DMD: variants seen among roughly 807,000 people sequenced by gnomAD.
DMD encodes mutant dystrophin.
A neutral mutation model predicts 330.1 loss-of-function variants in DMD; 63 were observed. That is an observed-to-expected ratio of 0.19 (90% CI 0.16 to 0.24). The LOEUF (loss-of-function observed/expected upper bound fraction) is 0.24, where lower values mean the gene tolerates loss of function less well. Among genes scored for constraint, DMD ranks in the 10% least tolerant of loss-of-function variants. The probability of loss-of-function intolerance (pLI) is 1.00; values close to 1 mark genes in which losing one functional copy is unlikely to be tolerated. For missense variants in DMD, 3,344 were observed against 2,684.1 expected, an observed-to-expected ratio of 1.25 and a Z score of -5.43; for synonymous variants, 1,223 against 959.8, an observed-to-expected ratio of 1.27 and a Z score of -5.07.
At chrX:31,487,033 T>C (rs2068862779) in intron 57 of DMD, among the ~76,000 whole-genome samples, 1 of 111,504 alleles carries the variant, frequency 9.0e-6, no homozygotes, top group African/African-American at 3.3e-5. Context: ...GCAAGAATAT[T>C]GCCCCCAGTA....
At chrX:32,958,232 T>C (rs2091705541) in intron 2 of DMD, among the ~76,000 whole-genome samples, 1 of 111,676 alleles carries the variant, frequency 9.0e-6, no homozygotes. Context: ...TATGCTTCAA[T>C]AACAAAGTGT....
intron 2 of DMD, among the ~76,000 whole-genome samples, chrX:32,905,217 T>C (rs1050231695): frequency 8.9e-6 from 1 of 111,959 alleles, no homozygotes; most frequent in Non-Finnish European, 1.9e-5. Flanking sequence ...GAGCATTTTT[T>C]AGATAATTTC....
intron 2 of DMD, among the ~76,000 whole-genome samples, chrX:32,858,019 G>A (rs1351988430): frequency 1.8e-5 from 2 of 110,707 alleles, no homozygotes; most frequent in Non-Finnish European, 3.8e-5. Flanking sequence ...TGAGGTGATA[G>A]AGAAACAGTT....
At position 32,583,601 on chromosome X, in the gene DMD, A is replaced by G. The variant is rs924131056; in HGVS notation, c.1603-9755T>C. ...GGCAAGTAGAGAAATAAAACTGATTAGAGTCCATAAACTGATCCATGCACG... is the reference window on the plus strand; with the variant it reads ...GGCAAGTAGAGAAATAAAACTGATTGGAGTCCATAAACTGATCCATGCACG... On this transcript the variant is annotated intron_variant, in intron 13 of 78. Coordinates refer to ENST00000357033, the MANE Select transcript of DMD (RefSeq NM_004006.3). 4 of 112,225 alleles carry G rather than the reference A, an allele frequency of 3.6e-5. No individual in the cohort carries two copies. In the Admixed American group the frequency reaches 3.8e-4, roughly 11 times the overall value. 9.2% of individuals were successfully genotyped at this position (112,225 alleles called of 1,213,427 possible).
chrX:31,559,595 C>T (rs1226930950), intron 55 of DMD, among the ~76,000 whole-genome samples: 6 of 80,936 alleles, frequency 7.4e-5, no homozygotes, highest in African/African-American at 2.6e-4. Flanking sequence ...GAGTCGAGAT[C>T]GCGCCACTGC....
At position 31,836,585 on chromosome X, in the gene DMD, A is replaced by G. The variant is rs187850223; in HGVS notation, c.7200+133T>C. On this transcript the variant is annotated intron_variant, in intron 49 of 78. Coordinates refer to ENST00000357033, the MANE Select transcript of DMD (RefSeq NM_004006.3). ...TCAAAAAGACAGCTTTGCCTCTGCT[A>G]TTACAGTATGGCCAGTATTTCCTTA... is the stretch of plus-strand genomic sequence containing the variant. 1,500 of 555,550 alleles carry G rather than the reference A, an allele frequency of 2.7e-3. 5 individuals carry two copies. Among genetic ancestry groups the G allele is most frequent in the Admixed American group, 0.017 (669 of 40,133 alleles). The allele number at this position is 555,550 out of a possible 1,213,427, so 45.8% of individuals were successfully genotyped here. A position where few individuals can be genotyped will look rare whatever the true frequency, so the allele number is the denominator to read the frequency against.
chrX:32,053,558 C>G (rs56154383), intron 44 of DMD, among the ~76,000 whole-genome samples: 4,484 of 111,055 alleles, frequency 0.04, 157 homozygotes, highest in East Asian at 0.28. Context: ...TTTCCTATTA[C>G]AGAGGCATTG....
intron 52 of DMD, among the ~76,000 whole-genome samples, chrX:31,704,714 T>TA (rs1391650182): frequency 8.9e-6 from 1 of 111,849 alleles, no homozygotes; most frequent in African/African-American, 3.2e-5. Context: ...AGCAAGACTA[T>TA]ATTTTTCTAA....
chrX:32,969,654 A>C (rs2147119298), intron 2 of DMD, among the ~76,000 whole-genome samples: 1 of 94,934 alleles, frequency 1.1e-5, no homozygotes, highest in African/African-American at 4.7e-5. Context: ...ACATATATAT[A>C]ATAAACTAGA....
At chrX:32,394,749 G>A (rs1452985927) in intron 30 of DMD, among the ~76,000 whole-genome samples, 2 of 108,684 alleles carry the variant, frequency 1.8e-5, no homozygotes, top group African/African-American at 3.3e-5. Flanking sequence ...CACTCAGAGA[G>A]GGTAGAGGGC....
chrX:32,435,937 G>C (rs1250444662), intron 29 of DMD, among the ~76,000 whole-genome samples: 5 of 111,894 alleles, frequency 4.5e-5, no homozygotes, highest in Non-Finnish European at 5.6e-5. Flanking sequence ...ACTACAGGTA[G>C]TTTCCCACCA....
At chrX:31,483,078 G>A (rs1012680856) in intron 57 of DMD, among the ~76,000 whole-genome samples, 7 of 86,979 alleles carry the variant, frequency 8.0e-5, no homozygotes, top group African/African-American at 3.1e-4. Context: ...ATGGAGTCTC[G>A]CTCTGTCGCC....
chrX:31,332,667 T>C (rs1024787424), intron 61 of DMD, among the ~76,000 whole-genome samples: 2 of 111,645 alleles, frequency 1.8e-5, no homozygotes, highest in Admixed American at 1.9e-4. Flanking sequence ...TGAACTTGAA[T>C]ATGTTAGTAA....
At chrX:32,058,740 C>T (rs896995649) in intron 44 of DMD, among the ~76,000 whole-genome samples, 14 of 111,043 alleles carry the variant, frequency 1.3e-4, no homozygotes, top group Non-Finnish European at 2.3e-4. Flanking sequence ...AGCAATCCCG[C>T]ATCTGGATAT....
intron 1 of DMD, among the ~76,000 whole-genome samples, chrX:33,089,064 A>ATTTTT (rs747108325): frequency 6.9e-5 from 6 of 86,464 alleles, no homozygotes; most frequent in African/African-American, 1.9e-4. Context: ...TACTCAATTC[A>ATTTTT]TTTTTTTTTT....
intron 44 of DMD, among the ~76,000 whole-genome samples, chrX:32,123,292 G>A (rs1425694658): frequency 1.1e-5 from 1 of 94,078 alleles, no homozygotes; most frequent in African/African-American, 4.0e-5. Flanking sequence ...GTTACAGGAT[G>A]GACCTTTCTT....
intron 1 of DMD, among the ~76,000 whole-genome samples, chrX:33,267,792 G>A (rs1181834519): frequency 2.7e-5 from 3 of 110,997 alleles, no homozygotes; most frequent in Non-Finnish European, 5.7e-5. Flanking sequence ...GCAAAAACAA[G>A]CAATGGTAAA....
intron 1 of DMD, among the ~76,000 whole-genome samples, chrX:33,158,552 C>T (rs1308540077): frequency 9.0e-6 from 1 of 111,697 alleles, no homozygotes; most frequent in Non-Finnish European, 1.9e-5. Flanking sequence ...GAAATTGTGC[C>T]ATAATAGATA....
chrX:31,434,418 G>GCACACACACACACA (rs10572572), intron 60 of DMD, among the ~76,000 whole-genome samples: 6 of 78,065 alleles, frequency 7.7e-5, no homozygotes, highest in South Asian at 8.8e-4. Flanking sequence ...CAGCGCGCGC[G>GCACACACACACACA]CACACACACA....
Sources: allele counts gnomAD v4.1 joint callset (sites outside exome capture counted in the v4.1 genomes callset), GRCh38; gene constraint gnomAD v4.1.1; transcripts MANE v1.5; gene names NCBI Gene and HGNC (gene_info 2026-07-23, HGNC 2026-07-21).